Variants in CCDC91 observed in about 807,000 individuals in gnomAD.
CCDC91 encodes the protein coiled-coil domain-containing protein 91.
Under a neutral mutation model 63.2 loss-of-function variants are expected in CCDC91, and 48 were observed. That is an observed-to-expected ratio of 0.76 (90% CI 0.60 to 0.97). The LOEUF (loss-of-function observed/expected upper bound fraction) is 0.97. Ranked by LOEUF, CCDC91 falls within the 50% of genes least tolerant of loss-of-function variation. The probability of loss-of-function intolerance (pLI) is 0.00; values close to 1 mark genes in which losing one functional copy is unlikely to be tolerated. For missense variants in CCDC91, 500 were observed against 494.6 expected, an observed-to-expected ratio of 1.01 and a Z score of -0.10; for synonymous variants, 167 against 165.8, an observed-to-expected ratio of 1.01 and a Z score of -0.06.
In CCDC91 at chr12:28,362,330, G is replaced by A. The variant is rs1401562709; in HGVS notation, c.577-108G>A. On this transcript the variant is annotated intron_variant, in intron 6 of 12. Transcript: ENST00000536442. ...TTGTTTCCAGCTGTAGCATTGATGT[G>A]CCACAAACCACTGAATCATTCGTGG... 8.3e-6 allele frequency: 5 copies of A among 598,918 alleles called. No homozygotes were observed. The Admixed American group carries it at 1.6e-4, about 20-fold the overall frequency. 37.1% of individuals were successfully genotyped at this position (598,918 alleles called of 1,614,324 possible).
At chr12:28,323,930 T>C (rs1230786100) in intron 6 of CCDC91, among the ~76,000 whole-genome samples, 5 of 151,932 alleles carry the variant, frequency 3.3e-5, no homozygotes, top group Admixed American at 6.6e-5. Context: ...TTTTTGTAGC[T>C]GAATCTGAAA....
chr12:28,536,746 GA>G lies in CCDC91; in HGVS notation c.1216-12316del, dbSNP rs1432522871. Among the ~76,000 whole-genome samples, 2 of 152,162 alleles carry G rather than the reference GA, an allele frequency of 1.3e-5. 1 individual carries two copies. Among genetic ancestry groups the G allele is most frequent in the East Asian group, 3.9e-4 (2 of 5,182 alleles). ...CTTTTAATGCTTTTATTATCATTGG[GA>G]CAAATTTTCCTAAATGATGATTTTG... On this transcript the variant is annotated intron_variant, in intron 12 of 12. Coordinates refer to ENST00000536442, the MANE Select transcript of CCDC91 (RefSeq NM_018318.5).
chr12:28,205,049 ATTGC>A (rs1259634478), intron 1 of CCDC91, among the ~76,000 whole-genome samples: 1 of 152,132 alleles, frequency 6.6e-6, no homozygotes, highest in Non-Finnish European at 1.5e-5. Context: ...GAGTGCCTAG[ATTGC>A]CTGTTGGAAA....
chr12:28,522,939 C>G (rs1409009199), intron 12 of CCDC91, among the ~76,000 whole-genome samples: 2 of 152,080 alleles, frequency 1.3e-5, no homozygotes, highest in South Asian at 2.1e-4. Flanking sequence ...GTCTGAGAGA[C>G]AGTTTGTTAT....
intron 12 of CCDC91, among the ~76,000 whole-genome samples, chr12:28,505,036 C>T (rs1199010536): frequency 6.6e-6 from 1 of 151,876 alleles, no homozygotes; most frequent in Non-Finnish European, 1.5e-5. Flanking sequence ...GTAGTATCTG[C>T]GGAATGAACT....
intron 6 of CCDC91, among the ~76,000 whole-genome samples, chr12:28,322,786 A>G (rs979741812): frequency 6.6e-6 from 1 of 151,750 alleles, no homozygotes; most frequent in Non-Finnish European, 1.5e-5. Flanking sequence ...CCAGAATATT[A>G]TACATATTTA....
chr12:28,486,663 A>G (rs933774418), intron 12 of CCDC91, among the ~76,000 whole-genome samples: 1 of 152,140 alleles, frequency 6.6e-6, no homozygotes, highest in Non-Finnish European at 1.5e-5. Flanking sequence ...TGTTCCCCAC[A>G]TGAAGCAAAT....
intron 8 of CCDC91, among the ~76,000 whole-genome samples, chr12:28,414,693 C>A (rs11049579): frequency 6.6e-6 from 1 of 151,940 alleles, no homozygotes; most frequent in Non-Finnish European, 1.5e-5. Context: ...TAAAATATTC[C>A]TTGTATTCAT....
intron 1 of CCDC91, among the ~76,000 whole-genome samples, chr12:28,232,342 T>C (rs1173730418): frequency 2.0e-5 from 3 of 152,128 alleles, no homozygotes; most frequent in African/African-American, 7.2e-5. Flanking sequence ...TTTTTTTCAC[T>C]TTTCTAATTA....
At position 28,391,287 on chromosome 12, in the gene CCDC91, T is replaced by C; in HGVS notation, c.655-17T>C. On this transcript the variant is annotated splice_polypyrimidine_tract_variant and intron_variant, in intron 7 of 12. Transcript: ENST00000536442. The stretch of plus-strand genomic sequence containing the variant: ...AGTTTTGTCTGTGATCCAAATGACT[T>C]TTTTGCTTGTTTTCAGGCACTACTG... The C allele has an allele frequency of 6.5e-7, 1 of 1,541,708 alleles. No homozygotes were observed. The highest frequency in any genetic ancestry group is 9.0e-7 in the Non-Finnish European group (1 of 1,117,228).
intron 7 of CCDC91, among the ~76,000 whole-genome samples, chr12:28,362,937 CAG>C (rs1360794909): frequency 2.0e-5 from 3 of 152,020 alleles, no homozygotes; most frequent in African/African-American, 2.4e-5. Flanking sequence ...TTAGCAATAA[CAG>C]AAATTATCAT....
chr12:28,395,235 G>A (rs1946217343), intron 8 of CCDC91, among the ~76,000 whole-genome samples: 1 of 152,140 alleles, frequency 6.6e-6, no homozygotes, highest in African/African-American at 2.4e-5. Context: ...TTTGACACCA[G>A]ATGTGTGGGA....
intron 8 of CCDC91, among the ~76,000 whole-genome samples, chr12:28,429,859 A>G (rs889384448): frequency 2.6e-5 from 4 of 152,042 alleles, no homozygotes; most frequent in East Asian, 3.9e-4. Flanking sequence ...TCGCATCCCA[A>G]AAAAACTCTC....
At chr12:28,244,312 C>T (rs999279716) in intron 1 of CCDC91, among the ~76,000 whole-genome samples, 4 of 151,804 alleles carry the variant, frequency 2.6e-5, no homozygotes, top group African/African-American at 4.8e-5. Context: ...CCATCATCAG[C>T]AATCTTCCTA....
intron 1 of CCDC91, among the ~76,000 whole-genome samples, chr12:28,200,637 A>G (rs1258045985): frequency 6.6e-6 from 1 of 151,202 alleles, no homozygotes; most frequent in African/African-American, 2.4e-5. Context: ...AATTTTTCTT[A>G]GTACAGAACA....
chr12:28,262,276 A>AT (rs1379759569), intron 3 of CCDC91, among the ~76,000 whole-genome samples: 33 of 152,222 alleles, frequency 2.2e-4, no homozygotes, highest in Admixed American at 2.2e-3. Flanking sequence ...TTTTAAAAAG[A>AT]CATGATGATT....
intron 8 of CCDC91, among the ~76,000 whole-genome samples, chr12:28,425,079 A>G (rs186173109): frequency 9.2e-5 from 14 of 152,182 alleles, no homozygotes; most frequent in Admixed American, 9.2e-4. Flanking sequence ...TAAGTATTTC[A>G]AAAGGCTTTA....
chr12:28,241,927 C>T (rs376558766), intron 1 of CCDC91, among the ~76,000 whole-genome samples: 14 of 133,716 alleles, frequency 1.0e-4, no homozygotes, highest in East Asian at 7.5e-4. Flanking sequence ...ATCCAGGAGG[C>T]GGAGGTTGCA....
chr12:28,400,941 A>G (rs896593403), intron 8 of CCDC91, among the ~76,000 whole-genome samples: 2 of 152,112 alleles, frequency 1.3e-5, no homozygotes, highest in African/African-American at 4.8e-5. Context: ...AGAAGTTCCA[A>G]ACTTTCCCAC....
Sources: allele counts gnomAD v4.1 joint callset (sites outside exome capture counted in the v4.1 genomes callset), GRCh38; gene constraint gnomAD v4.1.1; transcripts MANE v1.5; gene names NCBI Gene and HGNC (gene_info 2026-07-23, HGNC 2026-07-21).